DHRS2: variants seen among roughly 807,000 people sequenced by gnomAD.
DHRS2 encodes the protein dehydrogenase/reductase SDR family member 2, mitochondrial.
In DHRS2, 29 loss-of-function variants were observed where a neutral mutation model predicts 26.3. That is an observed-to-expected ratio of 1.10 (90% CI 0.82 to 1.50). The LOEUF (loss-of-function observed/expected upper bound fraction) is 1.50, where lower values mean the gene tolerates loss of function less well. DHRS2 is among the 40% of genes most tolerant of loss of function. DHRS2 has a pLI of 0.00. For missense variants in DHRS2, 439 were observed against 367.1 expected, an observed-to-expected ratio of 1.20 and a Z score of -1.60; for synonymous variants, 164 against 151.3, an observed-to-expected ratio of 1.08 and a Z score of -0.62.
At chr14:23,633,164 T>C (rs1483512643), upstream of DHRS2, among the ~76,000 whole-genome samples, 1 of 152,178 alleles carries the variant, frequency 6.6e-6, no homozygotes, top group Non-Finnish European at 1.5e-5. Context: ...TACCTGAGTC[T>C]CCCATGCCAG....
At chr14:23,637,322 C>G (rs558045084) in intron 1 of DHRS2, among the ~76,000 whole-genome samples, 51 of 152,300 alleles carry the variant, frequency 3.3e-4, no homozygotes, top group Non-Finnish European at 6.8e-4. Context: ...CACCTGGGCT[C>G]ACCAATCAGA....
intron 3 of DHRS2, 115 bp from the exon 4 acceptor site, chr14:23,639,679 C>T: frequency 8.4e-7 from 1 of 1,191,584 alleles, no homozygotes; most frequent in Non-Finnish European, 1.1e-6. Context: ...ACACCTAGGT[C>T]ATTTTCCTTT....
At chr14:23,641,291 G>T (rs1182721899) in intron 4 of DHRS2, 1 of 177,344 alleles carries the variant, frequency 5.6e-6, no homozygotes, top group Middle Eastern at 2.4e-3. Flanking sequence ...TCTCCAGGCA[G>T]ACCCCCCTTC....
At chr14:23,631,315 A>G (rs933655071) in intron 1 of DHRS2, among the ~76,000 whole-genome samples, 1 of 152,052 alleles carries the variant, frequency 6.6e-6, no homozygotes, top group African/African-American at 2.4e-5. Flanking sequence ...GCCTGAACTC[A>G]AAAGGGAGGA....
At chr14:23,635,070 T>C, upstream of DHRS2, among the ~76,000 whole-genome samples, 1 of 143,404 alleles carries the variant, frequency 7.0e-6, no homozygotes, top group South Asian at 2.2e-4. Context: ...CAGGTAGTTC[T>C]TTTTTTTTTT....
At chr14:23,631,273 T>G (rs990333283) in intron 1 of DHRS2, among the ~76,000 whole-genome samples, 2 of 152,112 alleles carry the variant, frequency 1.3e-5, no homozygotes, top group Non-Finnish European at 2.9e-5. Context: ...AGCCCTAAGA[T>G]CTCCATTTTA....
At position 23,639,824 on chromosome 14, in the gene DHRS2, C is replaced by G; in HGVS notation, c.349C>G (p.Leu117Val). The G allele has an allele frequency of 6.2e-7, 1 of 1,610,410 alleles. No homozygotes were observed. Among genetic ancestry groups the G allele is most frequent in the Non-Finnish European group, 8.5e-7 (1 of 1,178,058 alleles). The change falls in exon 4 of 9, where the codon CTG (leucine) becomes GTG (valine). Residue 117 changes from leucine to valine, a missense_variant. Leu to Val is a conservative substitution (Grantham distance 32). Coordinates refer to ENST00000250383, the MANE Select transcript of DHRS2 (RefSeq NM_005794.4). ...GGAGCACTGTGGGGGCGTCGACTTCCTGGTGTGCAGCGCAGGGGTCAACCC... is the reference window on the plus strand; with the variant it reads ...GGAGCACTGTGGGGGCGTCGACTTCGTGGTGTGCAGCGCAGGGGTCAACCC... ...ALEHCGGVDF[L>V]VCSAGVNPLV...
chr14:23,641,471 T>A (rs1346852975), intron 4 of DHRS2: 2 of 532,922 alleles, frequency 3.8e-6, no homozygotes, highest in Non-Finnish European at 5.8e-6. Context: ...TGGGGCAGTT[T>A]TCTTCATCAA....
chr14:23,640,458 C>G, intron 4 of DHRS2: 1 of 985,264 alleles, frequency 1.0e-6, no homozygotes, highest in South Asian at 4.7e-5. Context: ...ATTCTGCTAC[C>G]TTGTCCACAA....
Position 23,644,480 on chromosome 14 carries a change from C to T in DHRS2, c.612C>T (p.Ala204=), listed in dbSNP as rs748171033. The T allele has an allele frequency of 3.7e-6, 6 of 1,614,206 alleles. No homozygotes were observed. In the East Asian group the frequency reaches 6.7e-5, roughly 18 times the overall value. Residue 204 remains alanine, a synonymous_variant, in exon 7 of 9, where the codon GCC becomes GCT. Coordinates refer to ENST00000250383, the MANE Select transcript of DHRS2 (RefSeq NM_005794.4). ...GLTRTLALEL[A]PKDIRVNCVV... Reference sequence around the variant, plus strand: ...CTAGAACACTGGCATTGGAGCTGGCCCCCAAGGACATCCGGGTAAACTGCG... The same window carrying T: ...CTAGAACACTGGCATTGGAGCTGGCTCCCAAGGACATCCGGGTAAACTGCG...
At chr14:23,641,659 T>C in intron 4 of DHRS2, 1 of 1,289,832 alleles carries the variant, frequency 7.8e-7, no homozygotes, top group Non-Finnish European at 1.0e-6. Flanking sequence ...CAATTCCTTC[T>C]TATTAGGGAC....
At chr14:23,643,296 C>A in intron 5 of DHRS2, 77 bp downstream of exon 5, 3 of 1,337,136 alleles carry the variant, frequency 2.2e-6, no homozygotes, top group Non-Finnish European at 3.2e-6. Context: ...GGTAGCACAG[C>A]CAGTAGTGGG....
At chr14:23,642,267 C>A in intron 4 of DHRS2, 1 of 592,826 alleles carries the variant, frequency 1.7e-6, no homozygotes, top group Non-Finnish European at 2.1e-6. Flanking sequence ...AGAATAAATG[C>A]TCAGTCCTTA....
intron 4 of DHRS2, 75 bp from the exon 5 acceptor site, chr14:23,643,077 C>T (rs2138390840): frequency 6.8e-7 from 1 of 1,480,968 alleles, no homozygotes. Flanking sequence ...TTACAGGGCT[C>T]CAAGTGTCTT....
At chr14:23,640,421 C>A (rs181422858) in intron 4 of DHRS2, 4 of 985,460 alleles carry the variant, frequency 4.1e-6, no homozygotes, top group African/African-American at 3.5e-5. Flanking sequence ...GCTTAGACAT[C>A]CCAGCCTGCT....
At position 23,639,021 on chromosome 14, in the gene DHRS2, C is replaced by G; in HGVS notation, c.140+17C>G. The G allele has an allele frequency of 6.2e-7, 1 of 1,611,574 alleles. No homozygotes were observed. The highest frequency in any genetic ancestry group is 8.5e-7 in the Non-Finnish European group (1 of 1,179,402). The stretch of plus-strand genomic sequence containing the variant: ...CACCAGTGGGTGAGTGCTGGATTGC[C>G]CATGGGTCCTGGCCCCTCACAGGGT... On this transcript the variant is annotated intron_variant, in intron 2 of 8. Coordinates refer to ENST00000250383, the MANE Select transcript of DHRS2 (RefSeq NM_005794.4).
intron 1 of DHRS2, chr14:23,638,000 C>CT (rs995799864): frequency 6.6e-6 from 1 of 152,194 alleles, no homozygotes; most frequent in African/African-American, 2.4e-5. Context: ...AAGTTTTGTT[C>CT]TTTCGCTCTT....
Position 23,636,546 on chromosome 14 carries a change from C to T in DHRS2, c.-265C>T, listed in dbSNP as rs945256906. On this transcript the variant is annotated 5_prime_UTR_variant, in exon 1 of 9. Coordinates refer to ENST00000250383, the MANE Select transcript of DHRS2 (RefSeq NM_005794.4). The stretch of plus-strand genomic sequence containing the variant: ...CCACGAATGCACCGAGAGGAATGAA[C>T]AACTCTGGACACACCATCTTTAAGA... 6.6e-6 allele frequency: 1 copy of T among 152,148 alleles called. No individual in the cohort carries two copies. Among genetic ancestry groups the T allele is most frequent in the Admixed American group, 6.6e-5 (1 of 15,266 alleles). 9.4% of individuals were successfully genotyped at this position (152,148 alleles called of 1,614,324 possible).
At position 23,641,952 on chromosome 14, in the gene DHRS2, G is replaced by A. The variant is rs78090012; in HGVS notation, c.421-1200G>A. 7.8e-6 allele frequency: 9 copies of A among 1,157,562 alleles called. No individual in the cohort carries two copies. The East Asian group carries it at 2.7e-4, about 34-fold the overall frequency. The allele number at this position is 1,157,562 out of a possible 1,614,324, so 71.7% of individuals were successfully genotyped here. A position where few individuals can be genotyped will look rare whatever the true frequency, so the allele number is the denominator to read the frequency against. On this transcript the variant is annotated intron_variant, in intron 4 of 8. Transcript: ENST00000250383. ...AGGAGGGACTCCTGGTGCCATGTCA[G>A]TCCCACCTGGCACTGCCCTAGCTCC...
Sources: gnomAD v4.1 joint callset for allele counts (sites outside exome capture counted in the v4.1 genomes callset) on GRCh38, gnomAD v4.1.1 for gene constraint, MANE v1.5 for transcripts, NCBI Gene and HGNC (gene_info 2026-07-23, HGNC 2026-07-21) for gene names.